The following FNBP1L variants were observed in gnomAD, a reference collection of about 807,000 sequenced individuals.
FNBP1L encodes formin binding protein 1 like.
In FNBP1L, 36 loss-of-function variants were observed where a neutral mutation model predicts 91.2. That is an observed-to-expected ratio of 0.39 (90% CI 0.30 to 0.52). The LOEUF (loss-of-function observed/expected upper bound fraction) is 0.52, where lower values mean the gene tolerates loss of function less well. FNBP1L is among the 20% of genes least tolerant of loss of function. FNBP1L has a pLI of 0.66. For missense variants in FNBP1L, 571 were observed against 732.1 expected, an observed-to-expected ratio of 0.78 and a Z score of 2.54; for synonymous variants, 242 against 237.0, an observed-to-expected ratio of 1.02 and a Z score of -0.19.
chr1:93,538,390 G>A (rs1030740179), intron 10 of FNBP1L, among the ~76,000 whole-genome samples: 15 of 151,086 alleles, frequency 9.9e-5, no homozygotes, highest in African/African-American at 3.7e-4. Context: ...AGTTATTTTT[G>A]TAGGGATCTA....
chr1:93,508,488 C>A (rs1378007186), intron 2 of FNBP1L, among the ~76,000 whole-genome samples: 7 of 152,048 alleles, frequency 4.6e-5, no homozygotes, highest in Non-Finnish European at 1.0e-4. Flanking sequence ...TCTTTAGTGA[C>A]CTGTGTATGG....
At chr1:93,505,303 A>G (rs1670573459) in intron 2 of FNBP1L, among the ~76,000 whole-genome samples, 1 of 152,090 alleles carries the variant, frequency 6.6e-6, no homozygotes, top group Non-Finnish European at 1.5e-5. Context: ...TCCTGCAGAA[A>G]GGGTACACTC....
At chr1:93,481,684 C>T (rs995987813) in intron 1 of FNBP1L, among the ~76,000 whole-genome samples, 8 of 152,274 alleles carry the variant, frequency 5.3e-5, no homozygotes, top group African/African-American at 1.9e-4. Flanking sequence ...AATTATAATA[C>T]CTTTTTGACA....
chr1:93,530,730 A>C, intron 6 of FNBP1L, 25 bp from the exon 7 acceptor site: 1 of 1,588,878 alleles, frequency 6.3e-7, no homozygotes, highest in East Asian at 2.3e-5. Flanking sequence ...GTTGTTGATA[A>C]TAATTTCGAC....
chr1:93,533,310 G>C (rs934163580), intron 8 of FNBP1L, among the ~76,000 whole-genome samples: 1 of 151,364 alleles, frequency 6.6e-6, no homozygotes. Flanking sequence ...TAAGTTTTCA[G>C]TTCTTATCAA....
intron 5 of FNBP1L, among the ~76,000 whole-genome samples, chr1:93,527,778 T>C (rs1001999378): frequency 6.6e-6 from 1 of 151,916 alleles, no homozygotes. Context: ...AATGTGCACA[T>C]GAGGGACCAG....
At chr1:93,449,657 A>C (rs771951903) in intron 1 of FNBP1L, among the ~76,000 whole-genome samples, 26 of 152,200 alleles carry the variant, frequency 1.7e-4, no homozygotes, top group South Asian at 4.1e-4. Flanking sequence ...CCAGTCTGAA[A>C]ACACACCACC....
chr1:93,503,760 C>T (rs575819232), intron 2 of FNBP1L, among the ~76,000 whole-genome samples: 1 of 152,214 alleles, frequency 6.6e-6, no homozygotes, highest in South Asian at 2.1e-4. Context: ...CAACTGAAAT[C>T]AGTCATTCTT....
At chr1:93,511,238 C>G (rs1382820171) in intron 2 of FNBP1L, among the ~76,000 whole-genome samples, 2 of 152,220 alleles carry the variant, frequency 1.3e-5, no homozygotes, top group Non-Finnish European at 2.9e-5. Context: ...GTAAGCCCAT[C>G]AGACTAACAG....
intron 1 of FNBP1L, among the ~76,000 whole-genome samples, chr1:93,465,875 G>C (rs1169900108): frequency 2.0e-5 from 3 of 152,142 alleles, no homozygotes; most frequent in African/African-American, 7.2e-5. Flanking sequence ...GTTGTTTCCT[G>C]ACTTTTTAAT....
intron 1 of FNBP1L, among the ~76,000 whole-genome samples, chr1:93,464,222 T>TTCACTTCTGAGTGA (rs1298764448): frequency 1.1e-4 from 17 of 152,238 alleles, no homozygotes; most frequent in Non-Finnish European, 2.4e-4. Flanking sequence ...CTTCTGAGCA[T>TTCACTTCTGAGTGA]ATACCCAAAG....
At chr1:93,460,165 C>T (rs1364168917) in intron 1 of FNBP1L, among the ~76,000 whole-genome samples, 2 of 152,106 alleles carry the variant, frequency 1.3e-5, no homozygotes, top group Non-Finnish European at 2.9e-5. Flanking sequence ...GCAGTGGGGC[C>T]TTTAAGAAGT....
chr1:93,551,236 T>C (rs1055201763), intron 16 of FNBP1L, 131 bp downstream of exon 16: 15 of 1,390,706 alleles, frequency 1.1e-5, no homozygotes, highest in Middle Eastern at 2.6e-4. Flanking sequence ...CCAAGATTAA[T>C]TGTTCACTAT....
chr1:93,523,852 C>A (rs1418901962), intron 4 of FNBP1L, among the ~76,000 whole-genome samples: 2 of 152,046 alleles, frequency 1.3e-5, no homozygotes, highest in South Asian at 4.2e-4. Flanking sequence ...TTGGAACAGA[C>A]CCACATTCAT....
chr1:93,476,561 G>C (rs1324846264), intron 1 of FNBP1L, among the ~76,000 whole-genome samples: 1 of 152,120 alleles, frequency 6.6e-6, no homozygotes, highest in African/African-American at 2.4e-5. Flanking sequence ...GTTGCATAGA[G>C]GGGTAAGTAA....
At chr1:93,470,429 T>G (rs892696833) in intron 1 of FNBP1L, among the ~76,000 whole-genome samples, 1 of 152,206 alleles carries the variant, frequency 6.6e-6, no homozygotes, top group East Asian at 1.9e-4. Context: ...CACTCAGCCT[T>G]GTCTGTTACT....
intron 1 of FNBP1L, among the ~76,000 whole-genome samples, chr1:93,483,209 AAAGAAAG>A (rs1276991319): frequency 1.3e-5 from 2 of 149,732 alleles, no homozygotes; most frequent in Non-Finnish European, 3.0e-5. Flanking sequence ...AAAAAAAAAA[AAAGAAAG>A]GAAAGCTAGT....
chr1:93,456,481 G>C (rs1668664824), intron 1 of FNBP1L, among the ~76,000 whole-genome samples: 1 of 151,004 alleles, frequency 6.6e-6, no homozygotes, highest in Non-Finnish European at 1.5e-5. Flanking sequence ...CCAATTTATA[G>C]AAAAGGAGCC....
intron 10 of FNBP1L, 43 bp downstream of exon 10, chr1:93,536,533 T>C: frequency 6.7e-7 from 1 of 1,491,510 alleles, no homozygotes; most frequent in Non-Finnish European, 9.0e-7. Flanking sequence ...GCCTATTGTG[T>C]GTGTAGTGTG....
Sources: gnomAD v4.1 joint callset for allele counts (sites outside exome capture counted in the v4.1 genomes callset) on GRCh38, gnomAD v4.1.1 for gene constraint, MANE v1.5 for transcripts, NCBI Gene and HGNC (gene_info 2026-07-23, HGNC 2026-07-21) for gene names.